The following MME variants were observed in gnomAD, a reference collection of about 807,000 sequenced individuals.
MME encodes neprilysin.
A neutral mutation model predicts 113.2 loss-of-function variants in MME; 98 were observed. That is an observed-to-expected ratio of 0.87 (90% confidence interval 0.74 to 1.02). The LOEUF (loss-of-function observed/expected upper bound fraction) is 1.02, where lower values mean the gene tolerates loss of function less well. Ranked by LOEUF, MME falls within the 50% of genes least tolerant of loss-of-function variation. The pLI is 0.00. For missense variants in MME, 836 were observed against 896.0 expected (o/e 0.93, Z 0.86); for synonymous variants, 292 against 300.6 (o/e 0.97, Z 0.30).
chr3:155,028,700 A>G (rs1712865739), intron 1 of MME, among the ~76,000 whole-genome samples: 1 of 152,218 alleles, frequency 6.6e-6, no homozygotes, highest in African/African-American at 2.4e-5. Flanking sequence ...AGGCTAAAGT[A>G]AAATGATTTT....
At chr3:155,157,583 C>G (rs1392847867) in intron 16 of MME, among the ~76,000 whole-genome samples, 1 of 151,800 alleles carries the variant, frequency 6.6e-6, no homozygotes, top group Admixed American at 6.6e-5. Context: ...TTTATATTAA[C>G]ATTGAGATAT....
intron 3 of MME, among the ~76,000 whole-genome samples, chr3:155,111,568 A>T (rs995113645): frequency 2.6e-5 from 4 of 152,184 alleles, no homozygotes; most frequent in African/African-American, 9.7e-5. Flanking sequence ...CTTTTACAGG[A>T]TGGAGAATTT....
At position 155,142,066 on chromosome 3, in the gene MME, G is replaced by A. The variant is rs61758194; in HGVS notation, c.1033G>A (p.Val345Ile). 3,593 of 1,613,744 alleles carry A rather than the reference G, an allele frequency of 2.2e-3. 8 individuals are homozygous for A. Among genetic ancestry groups the A allele is most frequent in the Non-Finnish European group, 2.7e-3 (3,172 of 1,179,770 alleles). ...NISITNEEDV[V>I]VYAPEYLTKL... The stretch of plus-strand genomic sequence containing the variant: ...TAGTATTACAAATGAGGAAGATGTG[G>A]TTGTTTATGCTCCAGAATATTTAAC... Residue 345 changes from valine to isoleucine, a missense_variant, in exon 11 of 23, where the codon GTT becomes ATT. Val to Ile is a conservative substitution (Grantham distance 29, BLOSUM62 3). Coordinates refer to ENST00000360490, the MANE Select transcript of MME (RefSeq NM_007289.4).
intron 20 of MME, among the ~76,000 whole-genome samples, chr3:155,170,863 G>A (rs6792240): frequency 0.018 from 2,770 of 152,114 alleles, 83 homozygotes; most frequent in African/African-American, 0.061. Context: ...AGCAGTCATG[G>A]GACTCACTGA....
chr3:155,074,218 T>C (rs1314387179), intron 1 of MME, among the ~76,000 whole-genome samples: 2 of 152,190 alleles, frequency 1.3e-5, no homozygotes, highest in Admixed American at 6.5e-5. Context: ...TTTCTTTTTC[T>C]AACTTTCTAA....
At chr3:155,130,677 T>C (rs561435838) in intron 8 of MME, among the ~76,000 whole-genome samples, 1 of 152,214 alleles carries the variant, frequency 6.6e-6, no homozygotes, top group East Asian at 1.9e-4. Context: ...CAAGCTGAGA[T>C]TGGCTATCCT....
At chr3:155,043,931 T>G (rs1713451036) in intron 1 of MME, among the ~76,000 whole-genome samples, 1 of 152,156 alleles carries the variant, frequency 6.6e-6, no homozygotes, top group Non-Finnish European at 1.5e-5. Flanking sequence ...TTAATGAGAC[T>G]GATGAACTTT....
At chr3:155,175,639 A>T (rs1465291547) in intron 22 of MME, among the ~76,000 whole-genome samples, 1 of 152,104 alleles carries the variant, frequency 6.6e-6, no homozygotes, top group Non-Finnish European at 1.5e-5. Flanking sequence ...TGCTTAGATT[A>T]CTCAACATTA....
intron 14 of MME, among the ~76,000 whole-genome samples, 200 bp downstream of exon 14, chr3:155,144,657 A>T (rs1018318607): frequency 2.6e-5 from 4 of 152,108 alleles, no homozygotes; most frequent in Non-Finnish European, 5.9e-5. Context: ...TGCAACCAAT[A>T]CTCTAGCAAG....
intron 4 of MME, 85 bp from the exon 5 acceptor site, chr3:155,116,394 G>A (rs1240388942): frequency 1.9e-6 from 2 of 1,033,164 alleles, no homozygotes; most frequent in Non-Finnish European, 3.0e-6. Context: ...CTTTGCAAAT[G>A]TTAATTACTG....
rs1252879237 is a variant in MME, at chr3:155,116,496, A to C, written c.376A>C (p.Lys126Gln). Residue 126 changes from lysine to glutamine, a missense_variant, in exon 5 of 23, where the codon AAA (lysine) becomes CAA (glutamine). By Grantham distance (53) the Lys-to-Gln change is moderately conservative (BLOSUM62 1). Coordinates refer to ENST00000360490, the MANE Select transcript of MME (RefSeq NM_007289.4). ...TATTTCAGATGTCCTTCAAGAACCC[A>C]AAACTGAAGATATAGTAGCAGTGCA... ...VVLKDVLQEP[K>Q]TEDIVAVQKA... 1.2e-6 allele frequency: 2 copies of C among 1,612,046 alleles called. No individual in the cohort carries two copies. Among genetic ancestry groups the C allele is most frequent in the African/African-American group, 1.3e-5 (1 of 74,870 alleles).
intron 3 of MME, among the ~76,000 whole-genome samples, chr3:155,087,363 A>T (rs1291233777): frequency 2.6e-5 from 4 of 151,000 alleles, no homozygotes; most frequent in African/African-American, 9.7e-5. Flanking sequence ...CTTGATTTAG[A>T]TGTTAGCCAT....
At chr3:155,042,900 T>TTA (rs1159626877) in intron 1 of MME, among the ~76,000 whole-genome samples, 2,344 of 62,778 alleles carry the variant, frequency 0.037, 65 homozygotes, top group Admixed American at 0.062. Flanking sequence ...ATAGTAGGTT[T>TTA]TATATATATA....
chr3:155,059,583 CT>C (rs1714068592), intron 1 of MME, among the ~76,000 whole-genome samples: 1 of 152,014 alleles, frequency 6.6e-6, no homozygotes. Context: ...CTATTAACCA[CT>C]ATATTTTATG....
chr3:155,089,960 C>CAA, intron 3 of MME: 1 of 324,660 alleles, frequency 3.1e-6, no homozygotes, highest in Non-Finnish European at 6.4e-6. Context: ...ACTCTATCTC[C>CAA]AAAAAAAAGA....
upstream of MME, among the ~76,000 whole-genome samples, chr3:155,077,135 A>G (rs1714774169): frequency 6.6e-6 from 1 of 152,162 alleles, no homozygotes; most frequent in Non-Finnish European, 1.5e-5. Context: ...CTCTGGTCCA[A>G]ATGCCTCTGA....
chr3:155,046,494 C>G (rs1246380681), intron 1 of MME, among the ~76,000 whole-genome samples: 1 of 152,058 alleles, frequency 6.6e-6, no homozygotes, highest in African/African-American at 2.4e-5. Flanking sequence ...TCAAGACCAG[C>G]CTGGCCAACA....
intron 1 of MME, among the ~76,000 whole-genome samples, chr3:155,030,464 G>A (rs538126856): frequency 5.9e-5 from 9 of 152,178 alleles, no homozygotes; most frequent in South Asian, 2.1e-4. Context: ...CCCTTTAATC[G>A]ATAGGGCAAA....
intron 16 of MME, among the ~76,000 whole-genome samples, chr3:155,153,856 AGAG>A (rs1722126007): frequency 6.6e-6 from 1 of 152,168 alleles, no homozygotes; most frequent in African/African-American, 2.4e-5. Context: ...TAGATGACAA[AGAG>A]GAGAACAAGA....
Sources: gnomAD v4.1 joint callset for allele counts (sites outside exome capture counted in the v4.1 genomes callset) on GRCh38, gnomAD v4.1.1 for gene constraint, MANE v1.5 for transcripts, NCBI Gene and HGNC (gene_info 2026-07-23, HGNC 2026-07-21) for gene names.